The following UGT1A10 variants were observed in gnomAD, a reference collection of about 807,000 sequenced individuals.
UGT1A10 encodes the protein UDP-glucuronosyltransferase 1A10.
In UGT1A10, 49 loss-of-function variants were observed where a neutral mutation model predicts 45.8. That is an observed-to-expected ratio of 1.07 (90% CI 0.85 to 1.36). The LOEUF (loss-of-function observed/expected upper bound fraction) is 1.36, where lower values mean the gene tolerates loss of function less well. UGT1A10 is among the 40% of genes most tolerant of loss of function. The probability of loss-of-function intolerance (pLI) is 0.00; values close to 1 mark genes in which losing one functional copy is unlikely to be tolerated. For missense variants in UGT1A10, 745 were observed against 668.6 expected (o/e 1.11, Z -1.26); for synonymous variants, 284 against 249.7 (o/e 1.14, Z -1.29).
chr2:233,695,628 G>A (rs1370697803), intron 1 of UGT1A10, among the ~76,000 whole-genome samples: 1 of 151,214 alleles, frequency 6.6e-6, no homozygotes, highest in African/African-American at 2.4e-5. Flanking sequence ...CTACCTCCAT[G>A]AGACCCACTT....
At chr2:233,719,378 G>T in intron 1 of UGT1A10, 1 of 1,613,952 alleles carries the variant, frequency 6.2e-7, no homozygotes, top group Non-Finnish European at 8.5e-7. Flanking sequence ...AGGGCACACA[G>T]TGTCCAAATC....
chr2:233,671,766 A>G, intron 1 of UGT1A10: 7 of 1,368,324 alleles, frequency 5.1e-6, no homozygotes, highest in Non-Finnish European at 5.7e-6. Context: ...AAAGCTACTC[A>G]TATATTCTTG....
At chr2:233,672,511 A>G (rs762199881) in intron 1 of UGT1A10, 3 of 1,613,780 alleles carry the variant, frequency 1.9e-6, no homozygotes, top group African/African-American at 1.3e-5. Context: ...TGTCCCCAGA[A>G]TTCTCTTAGG....
chr2:233,668,107 C>T (rs2074114476), intron 1 of UGT1A10, among the ~76,000 whole-genome samples: 1 of 151,912 alleles, frequency 6.6e-6, no homozygotes, highest in African/African-American at 2.4e-5. Flanking sequence ...GCACAACATG[C>T]AGGTTTGTTA....
chr2:233,637,395 T>C lies in UGT1A10; in HGVS notation c.855+18T>C. On this transcript the variant is annotated intron_variant, in intron 1 of 4. Transcript: ENST00000344644. ...TGCCTATGGTAAGTCACCTCTCCTTTAGCACATTAAGAATAATCTGGCTTT... is the reference window on the plus strand; with the variant it reads ...TGCCTATGGTAAGTCACCTCTCCTTCAGCACATTAAGAATAATCTGGCTTT... 1 of 1,599,896 alleles carries C rather than the reference T, an allele frequency of 6.3e-7. No individual in the cohort carries two copies. The highest frequency in any genetic ancestry group is 8.5e-7 in the Non-Finnish European group (1 of 1,171,460).
Position 233,669,050 on chromosome 2 carries a change from G to C in UGT1A10, c.855+31673G>C, listed in dbSNP as rs377089392. ...TTTAGGAGGAAGACCACAAGGTAAT[G>C]TGTTTTCCCGCTTTCTTGCGAATGG... is the stretch of plus-strand genomic sequence containing the variant. On this transcript the variant is annotated intron_variant, in intron 1 of 4. Coordinates refer to ENST00000344644, the MANE Select transcript of UGT1A10 (RefSeq NM_019075.4). 5.7e-4 allele frequency among the ~76,000 whole-genome samples: 87 copies of C among 152,342 alleles called. No individual in the cohort carries two copies. The South Asian group carries it at 0.017, about 30-fold the overall frequency.
chr2:233,739,455 G>C (rs1296247158), intron 1 of UGT1A10, among the ~76,000 whole-genome samples: 14 of 152,240 alleles, frequency 9.2e-5, no homozygotes, highest in Admixed American at 9.2e-4. Flanking sequence ...CCACAGGGTT[G>C]GAGCTGCCTG....
At chr2:233,656,802 G>T (rs2073863321) in intron 1 of UGT1A10, among the ~76,000 whole-genome samples, 1 of 152,150 alleles carries the variant, frequency 6.6e-6, no homozygotes. Flanking sequence ...CGATTCACTT[G>T]TTGTGGGAGA....
chr2:233,747,486 C>T, intron 1 of UGT1A10: 1 of 1,608,834 alleles, frequency 6.2e-7, no homozygotes, highest in Non-Finnish European at 8.5e-7. Flanking sequence ...ATTTGATCGC[C>T]TTGTGCTGGG....
intron 1 of UGT1A10, among the ~76,000 whole-genome samples, chr2:233,665,140 A>G (rs2074046606): frequency 1.3e-5 from 2 of 152,182 alleles, no homozygotes; most frequent in Admixed American, 6.5e-5. Flanking sequence ...ATTGTTCTTT[A>G]CTTTGCATTT....
chr2:233,668,702 T>A (rs1202934189), intron 1 of UGT1A10, among the ~76,000 whole-genome samples: 2 of 152,248 alleles, frequency 1.3e-5, no homozygotes, highest in Admixed American at 1.3e-4. Flanking sequence ...TTTCTCCACA[T>A]CTTCTCTAGC....
chr2:233,672,325 A>G (rs775487623), intron 1 of UGT1A10: 1 of 1,614,096 alleles, frequency 6.2e-7, no homozygotes, highest in Admixed American at 1.7e-5. Context: ...GTTTAAAGAC[A>G]AAAAATTAGT....
chr2:233,692,757 G>A, intron 1 of UGT1A10: 1 of 1,177,646 alleles, frequency 8.5e-7, no homozygotes, highest in Non-Finnish European at 1.1e-6. Context: ...GACTTGTGGA[G>A]CTGAAGAGAA....
At chr2:233,756,295 GTA>G (rs1308500141) in intron 1 of UGT1A10, 2 of 152,134 alleles carry the variant, frequency 1.3e-5, no homozygotes, top group Non-Finnish European at 2.9e-5. Context: ...CACAGTATTT[GTA>G]TATAACCTAC....
In UGT1A10 at chr2:233,761,113, G is replaced by C. The variant is rs72551345; in HGVS notation, c.856-5921G>C. 5.6e-6 allele frequency: 9 copies of C among 1,614,106 alleles called. No homozygotes were observed. In the South Asian group the frequency reaches 9.9e-5, roughly 18 times the overall value. ...CATCATGCCCAATATGGTTTTTGTT[G>C]GTGGAATCAACTGCCTTCACCAAAA... On this transcript the variant is annotated intron_variant, in intron 1 of 4. Coordinates refer to ENST00000344644, the MANE Select transcript of UGT1A10 (RefSeq NM_019075.4).
intron 1 of UGT1A10, among the ~76,000 whole-genome samples, chr2:233,639,808 A>G (rs539663079): frequency 8.5e-5 from 13 of 152,344 alleles, no homozygotes; most frequent in African/African-American, 3.1e-4. Context: ...TTTAAACTAT[A>G]TCAATTGGTA....
Position 233,736,712 on chromosome 2 carries a change from C to T in UGT1A10, c.856-30322C>T, listed in dbSNP as rs373789864. On this transcript the variant is annotated intron_variant, in intron 1 of 4. Coordinates refer to ENST00000344644, the MANE Select transcript of UGT1A10 (RefSeq NM_019075.4). ...ACAGATGGGGTTTTGGTGTAGATGT[C>T]CTTTTTGTTGATGTTTATGCTGTTC... Among the ~76,000 whole-genome samples, 3 of 152,156 alleles carry T rather than the reference C, an allele frequency of 2.0e-5. No individual in the cohort carries two copies. In the East Asian group the frequency reaches 5.8e-4, roughly 29 times the overall value.
Position 233,754,476 on chromosome 2 carries a change from C to A in UGT1A10, c.856-12558C>A, listed in dbSNP as rs561719885. 3.5e-4 allele frequency: 124 copies of A among 357,228 alleles called. 1 individual carries two copies. Among genetic ancestry groups the A allele is most frequent in the Admixed American group, 6.4e-4 (17 of 26,454 alleles). The allele number at this position is 357,228 out of a possible 1,614,324, so 22.1% of individuals were successfully genotyped here. A position where few individuals can be genotyped will look rare whatever the true frequency, so the allele number is the denominator to read the frequency against. ...GTACAGCTGTTCTGAAAGTAAAGTT[C>A]ACTTTCAATCCTAAAAAAAGTCCGC... On this transcript the variant is annotated intron_variant, in intron 1 of 4. Coordinates refer to ENST00000344644, the MANE Select transcript of UGT1A10 (RefSeq NM_019075.4).
At chr2:233,732,140 G>GT (rs1352899510) in intron 1 of UGT1A10, among the ~76,000 whole-genome samples, 2 of 135,546 alleles carry the variant, frequency 1.5e-5, no homozygotes, top group East Asian at 2.0e-4. Flanking sequence ...TTGTTTGTTT[G>GT]TTTTTTTTCT....
Sources: gnomAD v4.1 joint callset for allele counts (sites outside exome capture counted in the v4.1 genomes callset) on GRCh38, gnomAD v4.1.1 for gene constraint, MANE v1.5 for transcripts, NCBI Gene and HGNC (gene_info 2026-07-23, HGNC 2026-07-21) for gene names.